Variants in PRICKLE3 observed in about 807,000 individuals in gnomAD.
PRICKLE3 encodes LIM domain only protein 6.
In PRICKLE3, 17 loss-of-function variants were observed where a neutral mutation model predicts 33.8. The observed-to-expected ratio is 0.50, with a 90% CI of 0.34 to 0.75. PRICKLE3 has a LOEUF of 0.75. Ranked by LOEUF, PRICKLE3 falls within the 30% of genes least tolerant of loss-of-function variation. The probability of loss-of-function intolerance (pLI) is 0.01; values close to 1 mark genes in which losing one functional copy is unlikely to be tolerated. For missense variants in PRICKLE3, 573 were observed against 576.7 expected (o/e 0.99, Z 0.07); for synonymous variants, 211 against 219.6 (o/e 0.96, Z 0.34).
chrX:49,177,106 CGGCCCAGCA>C lies in PRICKLE3; in HGVS notation c.1043_1051del (p.Leu348_Gly350del). ...TAGGCCTCGGCGTGGCAGGAATGGGCGGCCCAGCAGGGCCCGCCCACAGCGACTACAGCA... is the reference window on the plus strand; with the variant it reads ...TAGGCCTCGGCGTGGCAGGAATGGGCGGGCCCGCCCACAGCGACTACAGCA... On this transcript the variant is annotated inframe_deletion, in exon 8 of 9. Transcript: ENST00000599218. 8.3e-7 allele frequency: 1 copy of C among 1,200,371 alleles called. No individual in the cohort carries two copies. Among genetic ancestry groups the C allele is most frequent in the Admixed American group, 2.2e-5 (1 of 44,603 alleles).
intron 3 of PRICKLE3, 115 bp from the exon 4 acceptor site, chrX:49,179,921 A>C: frequency 2.4e-6 from 1 of 417,101 alleles, no homozygotes; most frequent in Non-Finnish European, 4.1e-6. Context: ...GGACCTTCTG[A>C]CTCCCTCATC....
chrX:49,179,725 G>T lies in PRICKLE3; in HGVS notation c.394C>A (p.Leu132Met), dbSNP rs1557100721. ...TCGTGTGGGGGCAGCTGGTGCAGCA[G>T]CTGCTTGATCCTGTATTTCTCCCCA... ...SPGEKYRIKQ[L>M]LHQLPPHDSE... The change falls in exon 4 of 9, where the codon CTG becomes ATG. Residue 132 changes from leucine to methionine, a missense_variant. Physicochemically the swap from Leu to Met is conservative, Grantham distance 15. Coordinates refer to ENST00000599218, the MANE Select transcript of PRICKLE3 (RefSeq NM_006150.5). The T allele has an allele frequency of 8.4e-7, 1 of 1,192,069 alleles. No individual in the cohort carries two copies.
chrX:49,181,595 C>CGTATATATATACGCG (rs2065455448), intron 3 of PRICKLE3, among the ~76,000 whole-genome samples: 32 of 19,666 alleles, frequency 1.6e-3, no homozygotes, highest in South Asian at 3.7e-3. Context: ...ACGCGTGTAT[C>CGTATATATATACGCG]TATATACGTA....
At position 49,183,015 on chromosome X, in the gene PRICKLE3, G is replaced by A. The variant is rs140411396; in HGVS notation, c.312+719C>T. 5.5e-4 allele frequency among the ~76,000 whole-genome samples: 61 copies of A among 111,076 alleles called. 1 individual carries two copies. The East Asian group carries it at 0.016, about 30-fold the overall frequency. ...ATTTTTGTACTTTTAGTAGAGACGG[G>A]GTTTTGCCATGTTGGCCAGGTTGGT... On this transcript the variant is annotated intron_variant, in intron 3 of 8. Transcript: ENST00000599218.
chrX:49,184,633 G>T lies in PRICKLE3; in HGVS notation c.120C>A (p.His40Gln), dbSNP rs1557101637. 4.5e-6 allele frequency: 5 copies of T among 1,104,226 alleles called. No individual in the cohort carries two copies. The highest frequency in any genetic ancestry group is 3.3e-5 in the Admixed American group (1 of 30,743). The allele number at this position is 1,104,226 out of a possible 1,213,427, so 91.0% of individuals were successfully genotyped here. A position where few individuals can be genotyped will look rare whatever the true frequency, so the allele number is the denominator to read the frequency against. ...CREQCPGFLL[H>Q]GWRKICQHCK... ...TTAGGGGCGCCACTTACCTCCAGCC[G>T]TGGAGCAGGAAGCCAGGGCACTGCT... is the stretch of plus-strand genomic sequence containing the variant. Residue 40 changes from histidine (H) to glutamine (Q), a missense_variant, in exon 2 of 9, where the codon CAC becomes CAA. By Grantham distance (24) the His-to-Gln change is conservative. Transcript: ENST00000599218.
At chrX:49,182,827 T>A (rs1332325431) in intron 3 of PRICKLE3, among the ~76,000 whole-genome samples, 9 of 6,160 alleles carry the variant, frequency 1.5e-3, no homozygotes, top group African/African-American at 2.4e-3. Flanking sequence ...CTGGGCAGAT[T>A]TTTTTTTTTT....
chrX:49,179,253 C>T lies in PRICKLE3; in HGVS notation c.562G>A (p.Glu188Lys), dbSNP rs202216294. 9.4e-5 allele frequency: 114 copies of T among 1,209,443 alleles called. No homozygotes were observed. The highest frequency in any genetic ancestry group is 1.1e-4 in the Non-Finnish European group (100 of 894,755). Reference sequence around the variant, plus strand: ...CGCTGAGGCCCTCCACGGCTCACCTCCTCACAGATGGCCCCAGTGATGGTC... The same window carrying T: ...CGCTGAGGCCCTCCACGGCTCACCTTCTCACAGATGGCCCCAGTGATGGTC... The part of the protein sequence containing the change: ...PVTITGAICE[E>K]CGKQIGGGDI... Residue 188 changes from glutamate (E) to lysine (K), a missense_variant and splice_region_variant, in exon 5 of 9, where the codon GAG becomes AAG. By Grantham distance (56) the Glu-to-Lys change is moderately conservative (BLOSUM62 1). Transcript: ENST00000599218.
chrX:49,184,065 G>T lies in PRICKLE3; in HGVS notation c.129-148C>A, dbSNP rs1005880408. The T allele has an allele frequency of 2.4e-5, 17 of 711,841 alleles. No homozygotes were observed. The South Asian group carries it at 4.8e-4, about 20-fold the overall frequency. 58.7% of individuals were successfully genotyped at this position (711,841 alleles called of 1,213,427 possible). A position where few individuals can be genotyped will look rare whatever the true frequency, so the allele number is the denominator to read the frequency against. On this transcript the variant is annotated intron_variant, in intron 2 of 8. Coordinates refer to ENST00000599218, the MANE Select transcript of PRICKLE3 (RefSeq NM_006150.5). ...ACAGGGATCTGGGCCTGGGGGCAGG[G>T]CTGCAGGAGGTGGGCCTATGAGCCA...
intron 5 of PRICKLE3, 62 bp from the exon 6 acceptor site, chrX:49,178,537 G>A (rs2065432634): frequency 1.8e-6 from 2 of 1,084,232 alleles, no homozygotes; most frequent in Admixed American, 4.7e-5. Context: ...CAGATGGATG[G>A]GGTCAGCCAA....
Position 49,183,869 on chromosome X carries a change from G to A in PRICKLE3, c.177C>T (p.His59=), listed in dbSNP as rs1557101520. ...CKCPREEHAV[H]AVPVDLERIM... is the part of the protein sequence containing the mutation. The stretch of plus-strand genomic sequence containing the variant: ...TGCGTTCCAGGTCCACAGGCACCGC[G>A]TGCACTGCATGCTCCTCCCGCGGGC... Residue 59 remains histidine (H), a synonymous_variant, in exon 3 of 9, where the codon CAC becomes CAT. Coordinates refer to ENST00000599218, the MANE Select transcript of PRICKLE3 (RefSeq NM_006150.5). The A allele has an allele frequency of 1.7e-6, 2 of 1,209,632 alleles. No individual in the cohort carries two copies. Among genetic ancestry groups the A allele is most frequent in the African/African-American group, 1.8e-5 (1 of 57,129 alleles).
chrX:49,175,682 G>A lies in PRICKLE3; in HGVS notation c.1839C>T (p.Ile613=), dbSNP rs782178337. The A allele has an allele frequency of 8.3e-7, 1 of 1,209,002 alleles. No individual in the cohort carries two copies. The highest frequency in any genetic ancestry group is 1.1e-6 in the Non-Finnish European group (1 of 893,367). Reference sequence around the variant, plus strand: ...CCAGGACGGCCTGCCTTCAAGCCACGATGCAGTTCTTGTCTCGGGCCTGAC... The same window carrying A: ...CCAGGACGGCCTGCCTTCAAGCCACAATGCAGTTCTTGTCTCGGGCCTGAC... ...MPRQARDKNC[I]VA is the part of the protein sequence containing the mutation. The change falls in exon 9 of 9, where the codon ATC becomes ATT. Residue 613 remains isoleucine, a synonymous_variant. Transcript: ENST00000599218.
At chrX:49,177,296 A>G (rs2065424736) in intron 7 of PRICKLE3, 94 bp from the exon 8 acceptor site, 4 of 939,458 alleles carry the variant, frequency 4.3e-6, no homozygotes, top group Non-Finnish European at 5.6e-6. Context: ...AGAGGTGGGG[A>G]ATCCGAGGCA....
At chrX:49,185,094 C>T (rs1331892337) in intron 1 of PRICKLE3, among the ~76,000 whole-genome samples, 3 of 111,499 alleles carry the variant, frequency 2.7e-5, no homozygotes, top group African/African-American at 9.8e-5. Context: ...TCTGGGCATC[C>T]TCTCCCCGGC....
chrX:49,180,321 C>T lies in PRICKLE3; in HGVS notation c.313-515G>A, dbSNP rs782145864. Among the ~76,000 whole-genome samples, 12 of 110,974 alleles carry T rather than the reference C, an allele frequency of 1.1e-4. No homozygotes were observed. The South Asian group carries it at 2.3e-3, about 21-fold the overall frequency. Reference sequence around the variant, plus strand: ...TGCTGGGATTACAGGTGTGAGCCACCGCGCCCAGTCTACTGATCCACTTTT... The same window carrying T: ...TGCTGGGATTACAGGTGTGAGCCACTGCGCCCAGTCTACTGATCCACTTTT... On this transcript the variant is annotated intron_variant, in intron 3 of 8. Transcript: ENST00000599218.
chrX:49,179,110 G>T, intron 5 of PRICKLE3, 141 bp downstream of exon 5: 1 of 815,170 alleles, frequency 1.2e-6, no homozygotes, highest in Non-Finnish European at 1.7e-6. Context: ...AACAGACCCC[G>T]CCCACAAGAG....
At position 49,175,462 on chromosome X, in the gene PRICKLE3, CA is replaced by C. The variant is rs781971469; in HGVS notation, c.*210del. The C allele has an allele frequency of 1.4e-4, 55 of 390,440 alleles. No homozygotes were observed. The highest frequency in any genetic ancestry group is 2.0e-4 in the Non-Finnish European group (46 of 232,093). 32.2% of individuals were successfully genotyped at this position (390,440 alleles called of 1,213,427 possible). ...CTTGAGCCCAAAACTTTTGAGGCTG[CA>C]GTGAGCCCTGATCACACCACTGCAC... is the stretch of plus-strand genomic sequence containing the variant. On this transcript the variant is annotated 3_prime_UTR_variant, in exon 9 of 9. Transcript: ENST00000599218.
rs782589107 is a variant in PRICKLE3, at chrX:49,183,863, C to A, written c.183G>T (p.Val61=). The A allele has an allele frequency of 8.8e-5, 107 of 1,209,629 alleles. 1 individual carries two copies. The South Asian group carries it at 1.8e-3, about 21-fold the overall frequency. The stretch of plus-strand genomic sequence containing the variant: ...ACATGATGCGTTCCAGGTCCACAGG[C>A]ACCGCGTGCACTGCATGCTCCTCCC... ...CPREEHAVHA[V]PVDLERIMCR... Residue 61 remains valine (V), a synonymous_variant, in exon 3 of 9, where the codon GTG becomes GTT. Coordinates refer to ENST00000599218, the MANE Select transcript of PRICKLE3 (RefSeq NM_006150.5).
intron 5 of PRICKLE3, 77 bp from the exon 6 acceptor site, chrX:49,178,552 T>TGTTA (rs2065432730): frequency 9.9e-7 from 1 of 1,007,269 alleles, no homozygotes; most frequent in Admixed American, 2.5e-5. Context: ...AGCCAAAGTA[T>TGTTA]GTTACACTTG....
chrX:49,179,172 AG>A (rs781985212), intron 5 of PRICKLE3, 78 bp downstream of exon 5: 1 of 1,109,182 alleles, frequency 9.0e-7, no homozygotes, highest in African/African-American at 1.8e-5. Flanking sequence ...TCATCTTCCC[AG>A]TGCTTGGAAG....
Sources: allele counts gnomAD v4.1 joint callset (sites outside exome capture counted in the v4.1 genomes callset), GRCh38; gene constraint gnomAD v4.1.1; transcripts MANE v1.5; gene names NCBI Gene and HGNC (gene_info 2026-07-23, HGNC 2026-07-21).